The following PTPRR variants were observed in gnomAD, a reference collection of about 807,000 sequenced individuals.
PTPRR encodes receptor-type tyrosine-protein phosphatase R.
PTPRR carries 38 observed loss-of-function variants against 77.2 expected under a neutral mutation model. The ratio of observed to expected loss-of-function variants is 0.49; its 90% CI spans 0.38 to 0.65. The LOEUF (loss-of-function observed/expected upper bound fraction) is 0.65. Among genes scored for constraint, PTPRR ranks in the 30% least tolerant of loss-of-function variants. PTPRR has a pLI of 0.00. For synonymous variants in PTPRR, 299 were observed against 283.1 expected, an observed-to-expected ratio of 1.06 and a Z score of -0.57; for missense variants, 744 against 799.2, an observed-to-expected ratio of 0.93 and a Z score of 0.83.
intron 5 of PTPRR, among the ~76,000 whole-genome samples, chr12:70,751,302 C>T (rs1000857975): frequency 6.6e-6 from 1 of 151,940 alleles, no homozygotes; most frequent in African/African-American, 2.4e-5. Context: ...AGATCTCAAT[C>T]CTTCACTTCT....
At chr12:70,904,098 G>T (rs1893583759) in intron 1 of PTPRR, among the ~76,000 whole-genome samples, 1 of 151,880 alleles carries the variant, frequency 6.6e-6, no homozygotes, top group Non-Finnish European at 1.5e-5. Context: ...GGAAGTCTCA[G>T]ACCTTGCAGG....
At chr12:70,832,683 G>A (rs949742372) in intron 2 of PTPRR, among the ~76,000 whole-genome samples, 37 of 152,170 alleles carry the variant, frequency 2.4e-4, no homozygotes, top group African/African-American at 6.8e-4. Context: ...GGATCATGTT[G>A]AGAACAGAAC....
intron 6 of PTPRR, among the ~76,000 whole-genome samples, chr12:70,721,071 G>A (rs1015224027): frequency 1.3e-5 from 2 of 152,094 alleles, no homozygotes; most frequent in African/African-American, 4.8e-5. Context: ...AAACACTCGT[G>A]CCATATTCCC....
At chr12:70,795,913 A>ATTT (rs71437157) in intron 2 of PTPRR, among the ~76,000 whole-genome samples, 2,981 of 88,196 alleles carry the variant, frequency 0.034, 785 homozygotes, top group African/African-American at 0.077. Flanking sequence ...TATTTAGTAG[A>ATTT]TTTTTTTTTT....
At chr12:70,906,756 C>A (rs1254577913) in intron 1 of PTPRR, among the ~76,000 whole-genome samples, 1 of 151,932 alleles carries the variant, frequency 6.6e-6, no homozygotes, top group African/African-American at 2.4e-5. Flanking sequence ...ACCAAATAAC[C>A]AATTTGACAA....
chr12:70,670,987 T>G (rs1257553111), intron 10 of PTPRR, among the ~76,000 whole-genome samples: 1 of 152,250 alleles, frequency 6.6e-6, no homozygotes, highest in African/African-American at 2.4e-5. Context: ...AAATAAGAGA[T>G]GGCAATTATT....
At chr12:70,740,634 TTTGAC>T (rs1380442243) in intron 6 of PTPRR, among the ~76,000 whole-genome samples, 1 of 152,188 alleles carries the variant, frequency 6.6e-6, no homozygotes, top group Non-Finnish European at 1.5e-5. Flanking sequence ...CTAGATCTTA[TTTGAC>T]TTATCTTTTA....
At chr12:70,821,657 T>C (rs1484172428) in intron 2 of PTPRR, among the ~76,000 whole-genome samples, 1 of 151,354 alleles carries the variant, frequency 6.6e-6, no homozygotes, top group Non-Finnish European at 1.5e-5. Flanking sequence ...TATGTATGTA[T>C]GTACGTATGT....
chr12:70,672,736 G>T, intron 10 of PTPRR: 1 of 1,548,906 alleles, frequency 6.5e-7, no homozygotes, highest in Non-Finnish European at 8.8e-7. Context: ...CCCAGGGGAT[G>T]TCATCCTGAC....
chr12:70,684,359 G>A lies in PTPRR; in HGVS notation c.1360-95C>T. Reference sequence around the variant, plus strand: ...GATCTTCAACGAAATAGCTGGGCTAGTACAAAAGCAACACAGGTTACGGCT... The same window carrying A: ...GATCTTCAACGAAATAGCTGGGCTAATACAAAAGCAACACAGGTTACGGCT... On this transcript the variant is annotated intron_variant, in intron 9 of 13. Transcript: ENST00000283228. The A allele has an allele frequency of 3.8e-6, 5 of 1,327,004 alleles. No individual in the cohort carries two copies. In the South Asian group the frequency reaches 7.0e-5, roughly 18 times the overall value. The allele number at this position is 1,327,004 out of a possible 1,614,324, so 82.2% of individuals were successfully genotyped here.
intron 4 of PTPRR, among the ~76,000 whole-genome samples, chr12:70,757,766 T>C (rs898736819): frequency 3.3e-5 from 5 of 152,212 alleles, no homozygotes; most frequent in Admixed American, 3.3e-4. Flanking sequence ...ATACCAGTGA[T>C]CCTTTTTTTC....
intron 13 of PTPRR, among the ~76,000 whole-genome samples, chr12:70,652,299 G>C (rs1437946797): frequency 6.6e-6 from 1 of 152,144 alleles, no homozygotes; most frequent in Non-Finnish European, 1.5e-5. Context: ...CAAGAGGCAA[G>C]AATAATGTGG....
chr12:70,899,592 A>C (rs1893496123), intron 1 of PTPRR, among the ~76,000 whole-genome samples: 1 of 151,540 alleles, frequency 6.6e-6, no homozygotes, highest in Non-Finnish European at 1.5e-5. Flanking sequence ...AGGTACCTAC[A>C]CCAAACCCCA....
intron 6 of PTPRR, among the ~76,000 whole-genome samples, chr12:70,702,258 T>C (rs2136785962): frequency 6.6e-6 from 1 of 152,134 alleles, no homozygotes; most frequent in Middle Eastern, 3.4e-3. Flanking sequence ...CAAGTAATAT[T>C]AGCTGTGTGG....
chr12:70,757,827 G>GA (rs888486359), intron 4 of PTPRR, among the ~76,000 whole-genome samples: 1 of 152,090 alleles, frequency 6.6e-6, no homozygotes, highest in African/African-American at 2.4e-5. Flanking sequence ...ATTAAAATGT[G>GA]AAAAAATGGG....
chr12:70,878,442 A>G (rs1893090982), intron 2 of PTPRR, among the ~76,000 whole-genome samples: 1 of 152,256 alleles, frequency 6.6e-6, no homozygotes, highest in Non-Finnish European at 1.5e-5. Context: ...GGGGCAAAGG[A>G]TATGAACAGA....
At chr12:70,919,956 C>T (rs2137145098) in intron 1 of PTPRR, among the ~76,000 whole-genome samples, 1 of 152,024 alleles carries the variant, frequency 6.6e-6, no homozygotes, top group South Asian at 2.1e-4. Flanking sequence ...GTAGCCGCTG[C>T]AGTAGAAAAG....
At chr12:70,727,908 G>A (rs902177433) in intron 6 of PTPRR, among the ~76,000 whole-genome samples, 4 of 152,124 alleles carry the variant, frequency 2.6e-5, no homozygotes, top group African/African-American at 7.2e-5. Flanking sequence ...AAAGCTGGGG[G>A]CTCTTGGTTA....
chr12:70,682,034 C>CTTT (rs578204454), intron 10 of PTPRR, among the ~76,000 whole-genome samples: 1,269 of 62,720 alleles, frequency 0.02, 176 homozygotes, highest in East Asian at 0.028. Context: ...TTGTTGTTCA[C>CTTT]TTTTTTTTTT....
Sources: allele counts gnomAD v4.1 joint callset (sites outside exome capture counted in the v4.1 genomes callset), GRCh38; gene constraint gnomAD v4.1.1; transcripts MANE v1.5; gene names NCBI Gene and HGNC (gene_info 2026-07-23, HGNC 2026-07-21).